The following NTM variants were observed in gnomAD, a reference collection of about 807,000 sequenced individuals.
The protein encoded by NTM is IgLON family member 2.
In NTM, 13 loss-of-function variants were observed where a neutral mutation model predicts 42.1. That is an observed-to-expected ratio of 0.31 (90% CI 0.20 to 0.49). The LOEUF is 0.49. Among genes scored for constraint, NTM ranks in the 20% least tolerant of loss-of-function variants. The pLI is 0.99. For missense variants in NTM, 373 were observed against 452.8 expected, an observed-to-expected ratio of 0.82 and a Z score of 1.60; for synonymous variants, 187 against 179.2, an observed-to-expected ratio of 1.04 and a Z score of -0.35.
intron 3 of NTM, among the ~76,000 whole-genome samples, chr11:132,188,735 A>G (rs2078832059): frequency 6.6e-6 from 1 of 152,210 alleles, no homozygotes; most frequent in Admixed American, 6.5e-5. Flanking sequence ...TGTATCTCAC[A>G]ATTATTAAAT....
At chr11:131,824,064 T>C (rs1171945015) in intron 1 of NTM, among the ~76,000 whole-genome samples, 1 of 152,142 alleles carries the variant, frequency 6.6e-6, no homozygotes, top group Non-Finnish European at 1.5e-5. Context: ...TGAAAAGAAT[T>C]CTCAAAAGGC....
intron 2 of NTM, among the ~76,000 whole-genome samples, chr11:131,944,940 C>T (rs77871759): frequency 0.033 from 5,056 of 152,284 alleles, 125 homozygotes; most frequent in Middle Eastern, 0.095. Flanking sequence ...TGCGTTTTAT[C>T]ATCTTCCCTG....
intron 1 of NTM, among the ~76,000 whole-genome samples, chr11:131,681,913 CGTGT>C (rs750414079): frequency 1.7e-4 from 26 of 149,784 alleles, no homozygotes; most frequent in South Asian, 8.6e-4. Flanking sequence ...GTGTGTGTGT[CGTGT>C]GTGTGTGTGT....
At chr11:131,527,964 T>C (rs433647) in intron 1 of NTM, among the ~76,000 whole-genome samples, 32,797 of 152,172 alleles carry the variant, frequency 0.22, 3,808 homozygotes, top group African/African-American at 0.31. Context: ...AAATCTGAAA[T>C]GTTTTGAGCA....
chr11:132,319,481 T>C (rs1826661568), intron 7 of NTM, among the ~76,000 whole-genome samples: 2 of 152,144 alleles, frequency 1.3e-5, no homozygotes, highest in African/African-American at 4.8e-5. Context: ...ATCCCACACC[T>C]GGCTTGGAGG....
intron 2 of NTM, among the ~76,000 whole-genome samples, chr11:131,965,483 A>T (rs1425468017): frequency 1.3e-5 from 2 of 152,248 alleles, no homozygotes; most frequent in South Asian, 2.1e-4. Flanking sequence ...GCATCGGCAC[A>T]TTATTTTAAT....
intron 2 of NTM, among the ~76,000 whole-genome samples, chr11:132,085,703 C>T (rs2059618641): frequency 6.6e-6 from 1 of 152,124 alleles, no homozygotes. Context: ...ATATCATGCA[C>T]ATCACATATA....
intron 1 of NTM, among the ~76,000 whole-genome samples, chr11:131,789,537 AAGAAGAAGAAAAGAAGAAGAAG>A (rs1565551743): frequency 1.0e-4 from 3 of 29,228 alleles, no homozygotes; most frequent in Admixed American, 4.5e-4. Flanking sequence ...GAAGAAGAAG[AAGAAGAAGAAAAGAAGAAGAAG>A]AAGAAGAAGA....
At chr11:132,072,659 A>G (rs1189527196) in intron 2 of NTM, among the ~76,000 whole-genome samples, 3 of 152,130 alleles carry the variant, frequency 2.0e-5, no homozygotes, top group Non-Finnish European at 4.4e-5. Flanking sequence ...TCTCAGATAA[A>G]TCTTTCTTGT....
chr11:131,968,420 C>A (rs892763221), intron 2 of NTM, among the ~76,000 whole-genome samples: 1 of 152,142 alleles, frequency 6.6e-6, no homozygotes, highest in Non-Finnish European at 1.5e-5. Context: ...TTGGCGTCCT[C>A]CCCAGCACCT....
chr11:131,975,371 G>A (rs2064165511), intron 2 of NTM, among the ~76,000 whole-genome samples: 1 of 152,020 alleles, frequency 6.6e-6, no homozygotes, highest in Non-Finnish European at 1.5e-5. Context: ...GTAGAGATAG[G>A]GTTTCACCAT....
At chr11:132,213,936 G>A (rs1213117954) in intron 4 of NTM, among the ~76,000 whole-genome samples, 3 of 67,850 alleles carry the variant, frequency 4.4e-5, no homozygotes, top group African/African-American at 1.4e-4. Context: ...GGGTTTCACC[G>A]TTTTAGCTGG....
intron 2 of NTM, among the ~76,000 whole-genome samples, chr11:132,113,327 G>T (rs1056063964): frequency 3.3e-5 from 5 of 152,132 alleles, no homozygotes; most frequent in Non-Finnish European, 7.4e-5. Context: ...TCTGTGATTT[G>T]CATTTAAATA....
intron 3 of NTM, among the ~76,000 whole-genome samples, chr11:132,190,939 T>C (rs928471232): frequency 7.5e-5 from 11 of 147,506 alleles, no homozygotes; most frequent in Middle Eastern, 3.6e-3. Flanking sequence ...GGGATGATAT[T>C]ATTTGTTTTT....
chr11:131,671,519 G>A (rs895676575), intron 1 of NTM: 6 of 985,006 alleles, frequency 6.1e-6, no homozygotes, highest in Non-Finnish European at 6.0e-6. Context: ...ACCGGTGGCT[G>A]CCCTCACCCT....
intron 2 of NTM, among the ~76,000 whole-genome samples, chr11:132,094,823 G>A (rs1399788914): frequency 1.3e-5 from 2 of 152,152 alleles, no homozygotes; most frequent in Non-Finnish European, 2.9e-5. Context: ...GTCCATGTGT[G>A]CATCAGTGTG....
At chr11:131,717,083 C>A (rs1592683060) in intron 1 of NTM, among the ~76,000 whole-genome samples, 2 of 152,128 alleles carry the variant, frequency 1.3e-5, no homozygotes, top group East Asian at 3.9e-4. Flanking sequence ...TCAAGCAATC[C>A]TCCTGTCTCA....
At chr11:131,372,539 G>C (rs916756428) in intron 1 of NTM, among the ~76,000 whole-genome samples, 1 of 152,164 alleles carries the variant, frequency 6.6e-6, no homozygotes, top group Middle Eastern at 3.4e-3. Context: ...GGGCAGTTTC[G>C]GAAAAGCAGT....
chr11:132,156,329 C>G (rs1413497763), intron 3 of NTM, among the ~76,000 whole-genome samples: 1 of 152,152 alleles, frequency 6.6e-6, no homozygotes, highest in East Asian at 1.9e-4. Context: ...TGAACGTTCC[C>G]TTCCCTCTTC....
Sources: gnomAD v4.1 joint callset for allele counts (sites outside exome capture counted in the v4.1 genomes callset) on GRCh38, gnomAD v4.1.1 for gene constraint, MANE v1.5 for transcripts, NCBI Gene and HGNC (gene_info 2026-07-23, HGNC 2026-07-21) for gene names.